Variants in DHCR24 observed in about 807,000 individuals in gnomAD.
DHCR24 encodes delta(24)-sterol reductase.
DHCR24 carries 28 observed loss-of-function variants against 61.2 expected under a neutral mutation model. The ratio of observed to expected loss-of-function variants is 0.46; its 90% CI spans 0.34 to 0.63. DHCR24 has a LOEUF of 0.63. Among genes scored for constraint, DHCR24 ranks in the 20% least tolerant of loss-of-function variants. The pLI, the probability that DHCR24 is intolerant of heterozygous loss-of-function variation, is 0.01. For missense variants in DHCR24, 538 were observed against 679.1 expected, an observed-to-expected ratio of 0.79 and a Z score of 2.31; for synonymous variants, 261 against 275.9, an observed-to-expected ratio of 0.95 and a Z score of 0.54.
chr1:54,886,731 T>G, intron 1 of DHCR24, 158 bp downstream of exon 1: 12 of 1,268,088 alleles, frequency 9.5e-6, no homozygotes, highest in East Asian at 5.4e-5. Flanking sequence ...CCCATCACAT[T>G]TTTGTTTCGT....
chr1:54,852,309 T>C lies in DHCR24; in HGVS notation c.1475A>G (p.Lys492Arg). Residue 492 changes from lysine (K) to arginine (R), a missense_variant, in exon 9 of 9, where the codon AAG becomes AGG. Lys to Arg is a conservative substitution (Grantham distance 26). Transcript: ENST00000371269. ...CTGGCAACCCAGCTTCTCTCGCAGC[T>C]TGTGGTACAAGGAGCCATCAAACAT... ...WEMFDGSLYH[K>R]LREKLGCQDA... 6 of 1,614,212 alleles carry C rather than the reference T, an allele frequency of 3.7e-6. No individual in the cohort carries two copies. The highest frequency in any genetic ancestry group is 1.1e-5 in the South Asian group (1 of 91,090).
chr1:54,850,580 C>T lies in DHCR24; in HGVS notation c.*1653G>A, dbSNP rs546813303. On this transcript the variant is annotated 3_prime_UTR_variant, in exon 9 of 9. Coordinates refer to ENST00000371269, the MANE Select transcript of DHCR24 (RefSeq NM_014762.4). ...AATGACTCTGAGAGGATTCTGGCACCTGGAATGACAAGACAGATGCTTCCC... is the reference window on the plus strand; with the variant it reads ...AATGACTCTGAGAGGATTCTGGCACTTGGAATGACAAGACAGATGCTTCCC... 2 of 152,334 alleles carry T rather than the reference C, an allele frequency of 1.3e-5. No individual in the cohort carries two copies. Among genetic ancestry groups the T allele is most frequent in the African/African-American group, 4.8e-5 (2 of 41,566 alleles). The allele number at this position is 152,334 out of a possible 1,614,324, so 9.4% of individuals were successfully genotyped here. A position where few individuals can be genotyped will look rare whatever the true frequency, so the allele number is the denominator to read the frequency against.
chr1:54,856,735 T>A (rs1646909508), intron 6 of DHCR24, among the ~76,000 whole-genome samples: 1 of 152,268 alleles, frequency 6.6e-6, no homozygotes, highest in East Asian at 1.9e-4. Flanking sequence ...GTATATGTTA[T>A]CTTTGCCCAT....
intron 4 of DHCR24, among the ~76,000 whole-genome samples, chr1:54,873,979 T>C (rs1647013207): frequency 6.6e-6 from 1 of 152,220 alleles, no homozygotes; most frequent in East Asian, 1.9e-4. Context: ...AAAAAAACTT[T>C]AACAAGTTAA....
chr1:54,867,898 C>T (rs1251760807), intron 5 of DHCR24, among the ~76,000 whole-genome samples: 1 of 152,154 alleles, frequency 6.6e-6, no homozygotes, highest in Admixed American at 6.5e-5. Context: ...CCACAGGGAG[C>T]AATGTTTGCA....
rs1647052099 is a variant in DHCR24 at position 54,879,322 on chromosome 1, G to GGAAAAAAAAA, written c.388-3276_388-3275insTTTTTTTTTC. On this transcript the variant is annotated intron_variant, in intron 2 of 8. Coordinates refer to ENST00000371269, the MANE Select transcript of DHCR24 (RefSeq NM_014762.4). Reference sequence around the variant, plus strand: ...TGGAGGACAGAGCAAGACTCCATCTGAAAAAAAAAAAAAAAAAAAAAAAAA... The same window carrying GGAAAAAAAAA: ...TGGAGGACAGAGCAAGACTCCATCTGGAAAAAAAAAAAAAAAAAAAAAAAAAAAAAAAAAA... Among the ~76,000 whole-genome samples, 2 of 108,536 alleles carry GGAAAAAAAAA rather than the reference G, an allele frequency of 1.8e-5. 1 individual carries two copies. Among genetic ancestry groups the GGAAAAAAAAA allele is most frequent in the Non-Finnish European group, 3.5e-5 (2 of 56,340 alleles). 71.2% of individuals were successfully genotyped at this position (108,536 alleles called of 152,430 possible).
At chr1:54,853,716 T>G (rs1646891082) in intron 7 of DHCR24, 104 bp from the exon 8 acceptor site, 2 of 1,334,786 alleles carry the variant, frequency 1.5e-6, no homozygotes, top group Non-Finnish European at 2.1e-6. Flanking sequence ...TGCAGCATTC[T>G]CAAGACCCCC....
At chr1:54,875,906 T>C (rs778725842) in intron 3 of DHCR24, 36 bp downstream of exon 3, 6 of 1,568,562 alleles carry the variant, frequency 3.8e-6, no homozygotes, top group Non-Finnish European at 5.3e-6. Context: ...CCTAGGACCG[T>C]GTGTCTCTTC....
chr1:54,877,181 A>G (rs1184221361), intron 2 of DHCR24, among the ~76,000 whole-genome samples: 1 of 151,850 alleles, frequency 6.6e-6, no homozygotes, highest in African/African-American at 2.4e-5. Context: ...TAGTTTAGTA[A>G]TTTGGGGGCC....
rs776651391 is a variant in DHCR24 at position 54,854,132 on chromosome 1, G to A, written c.1123C>T (p.Arg375Cys). 6 of 1,614,058 alleles carry A rather than the reference G, an allele frequency of 3.7e-6. No homozygotes were observed. Among genetic ancestry groups the A allele is most frequent in the Admixed American group, 3.3e-5 (2 of 60,022 alleles). ...ACGTGGTGCTGCTCGTACAGCTTGC[G>A]CAGGGTCTCACCCTGGGTCAGCTTC... is the stretch of plus-strand genomic sequence containing the variant. ...LLKLTQGETLRKLYEQHHVVQ... is the reference protein window; with the variant it reads ...LLKLTQGETLCKLYEQHHVVQ... Residue 375 changes from arginine to cysteine, a missense_variant, in exon 7 of 9, where the codon CGC becomes TGC. Physicochemically the swap from Arg to Cys is radical, Grantham distance 180. Transcript: ENST00000371269.
intron 7 of DHCR24, 67 bp from the exon 8 acceptor site, chr1:54,853,679 C>T (rs563317133): frequency 1.5e-5 from 23 of 1,516,612 alleles, no homozygotes; most frequent in East Asian, 2.4e-5. Context: ...ATGGCTGGCC[C>T]GCTCATACCC....
chr1:54,878,449 G>A (rs555213142), intron 2 of DHCR24, among the ~76,000 whole-genome samples: 163 of 149,678 alleles, frequency 1.1e-3, no homozygotes, highest in Middle Eastern at 3.5e-3. Flanking sequence ...GGGAGGCGGA[G>A]GTTGCAGTGA....
At chr1:54,874,616 G>A (rs1439584506) in intron 4 of DHCR24, among the ~76,000 whole-genome samples, 1 of 152,090 alleles carries the variant, frequency 6.6e-6, no homozygotes, top group Non-Finnish European at 1.5e-5. Flanking sequence ...CTACTGTTCT[G>A]TGACACATGA....
chr1:54,887,156 C>T lies in DHCR24; in HGVS notation c.-37G>A. The T allele has an allele frequency of 6.6e-7, 1 of 1,515,744 alleles. No individual in the cohort carries two copies. Among genetic ancestry groups the T allele is most frequent in the South Asian group, 1.2e-5 (1 of 83,316 alleles). 93.9% of individuals were successfully genotyped at this position (1,515,744 alleles called of 1,614,324 possible). A position where few individuals can be genotyped will look rare whatever the true frequency, so the allele number is the denominator to read the frequency against. ...GCGCGGTAAGCGCTGCGGGTTCGCGCCTCCTGTCACTGCCGCCAGCTCCGC... is the reference window on the plus strand; with the variant it reads ...GCGCGGTAAGCGCTGCGGGTTCGCGTCTCCTGTCACTGCCGCCAGCTCCGC... On this transcript the variant is annotated 5_prime_UTR_variant, in exon 1 of 9. Transcript: ENST00000371269.
chr1:54,882,661 A>G (rs1647069801), intron 2 of DHCR24, among the ~76,000 whole-genome samples: 1 of 152,272 alleles, frequency 6.6e-6, no homozygotes, highest in Non-Finnish European at 1.5e-5. Flanking sequence ...ATGACTCAGC[A>G]GTGAAAGAGA....
At chr1:54,873,796 C>G (rs951673878) in intron 4 of DHCR24, among the ~76,000 whole-genome samples, 55 of 152,144 alleles carry the variant, frequency 3.6e-4, no homozygotes, top group African/African-American at 1.3e-3. Flanking sequence ...AATACAGGAA[C>G]ACATCACCAT....
chr1:54,853,589 C>A lies in DHCR24; in HGVS notation c.1242G>T (p.Pro414=). The A allele has an allele frequency of 6.2e-7, 1 of 1,613,846 alleles. No individual in the cohort carries two copies. Among genetic ancestry groups the A allele is most frequent in the South Asian group, 1.1e-5 (1 of 90,972 alleles). ...DIHVYPIWLC[P]FILPSQPGLV... is the part of the protein sequence containing the mutation. ...GGCCTGGCTGGCTGGGCAGGATGAA[C>A]GGACACAGCCAGATGGGGTAGACCT... The change falls in exon 8 of 9, where the codon CCG becomes CCT. Residue 414 remains proline (P), a synonymous_variant. Transcript: ENST00000371269.
At chr1:54,862,445 G>A (rs947661711) in intron 6 of DHCR24, among the ~76,000 whole-genome samples, 1 of 152,146 alleles carries the variant, frequency 6.6e-6, no homozygotes, top group African/African-American at 2.4e-5. Context: ...ACAGTTGCTG[G>A]TCTTCCTCCT....
At chr1:54,879,267 C>A (rs1182965828) in intron 2 of DHCR24, among the ~76,000 whole-genome samples, 1 of 135,758 alleles carries the variant, frequency 7.4e-6, no homozygotes, top group Non-Finnish European at 1.5e-5. Context: ...TGCAGTGAGC[C>A]GAAATCACGC....
Sources: allele counts gnomAD v4.1 joint callset (sites outside exome capture counted in the v4.1 genomes callset), GRCh38; gene constraint gnomAD v4.1.1; transcripts MANE v1.5; gene names NCBI Gene and HGNC (gene_info 2026-07-23, HGNC 2026-07-21).